The following ADAM22 variants were observed in gnomAD, a reference collection of about 807,000 sequenced individuals.
The protein encoded by ADAM22 is disintegrin and metalloproteinase domain-containing protein 22.
In ADAM22, 65 loss-of-function variants were observed where a neutral mutation model predicts 144.6. That is an observed-to-expected ratio of 0.45 (90% CI 0.37 to 0.55). ADAM22 has a LOEUF of 0.55. Ranked by LOEUF, ADAM22 falls within the 20% of genes least tolerant of loss-of-function variation. The probability of loss-of-function intolerance (pLI) is 0.00; values close to 1 mark genes in which losing one functional copy is unlikely to be tolerated. For missense variants in ADAM22, 974 were observed against 1,184.9 expected (o/e 0.82, Z 2.61); for synonymous variants, 391 against 412.6 (o/e 0.95, Z 0.63).
intron 3 of ADAM22, among the ~76,000 whole-genome samples, chr7:88,023,701 C>T (rs995962866): frequency 3.4e-4 from 51 of 152,238 alleles, no homozygotes; most frequent in African/African-American, 1.1e-3. Context: ...CCACTGCCCC[C>T]GGCTTAGTTA....
In ADAM22 at chr7:88,168,124, T is replaced by C. The variant is rs1208479040; in HGVS notation, c.2192-13T>C. On this transcript the variant is annotated splice_polypyrimidine_tract_variant and intron_variant, in intron 24 of 31. Coordinates refer to ENST00000413139, the MANE Select transcript of ADAM22 (RefSeq NM_001324418.2). ...TACCACTGATCTTCCTTCTTTCTTT[T>C]TTTTCCTCTCAGGTGTTGCTGGCAC... 2 of 1,611,002 alleles carry C rather than the reference T, an allele frequency of 1.2e-6. No individual in the cohort carries two copies. Among genetic ancestry groups the C allele is most frequent in the Non-Finnish European group, 8.5e-7 (1 of 1,178,396 alleles).
intron 3 of ADAM22, among the ~76,000 whole-genome samples, chr7:88,052,499 G>GA (rs199577890): frequency 5.7e-4 from 81 of 141,760 alleles, no homozygotes; most frequent in Middle Eastern, 3.6e-3. Flanking sequence ...AACTGCGTCT[G>GA]AAAAAAAAAA....
At chr7:88,167,349 T>C (rs1471766326) in intron 24 of ADAM22, among the ~76,000 whole-genome samples, 3 of 152,172 alleles carry the variant, frequency 2.0e-5, no homozygotes, top group African/African-American at 7.2e-5. Flanking sequence ...CTTTGACTCA[T>C]GGTGCCATTC....
chr7:88,073,930 G>A (rs1813492311), intron 3 of ADAM22, among the ~76,000 whole-genome samples: 1 of 152,190 alleles, frequency 6.6e-6, no homozygotes, highest in Non-Finnish European at 1.5e-5. Context: ...TATGTTTATT[G>A]GACAGATAAC....
At chr7:88,144,186 T>G (rs1835646349) in intron 15 of ADAM22, among the ~76,000 whole-genome samples, 1 of 152,162 alleles carries the variant, frequency 6.6e-6, no homozygotes, top group Non-Finnish European at 1.5e-5. Context: ...TTCCTCTAAT[T>G]AGTTATGAAA....
Position 88,165,947 on chromosome 7 carries a change from G to GTAAGTACATAATGTTACCAAAT in ADAM22, c.2191+8_2191+9insATAATGTTACCAAATTAAGTAC. The GTAAGTACATAATGTTACCAAAT allele has an allele frequency of 6.2e-7, 1 of 1,602,380 alleles. No individual in the cohort carries two copies. Among genetic ancestry groups the GTAAGTACATAATGTTACCAAAT allele is most frequent in the Non-Finnish European group, 8.5e-7 (1 of 1,174,156 alleles). On this transcript the variant is annotated splice_donor_variant, in intron 24 of 31. Coordinates refer to ENST00000413139, the MANE Select transcript of ADAM22 (RefSeq NM_001324418.2). LOFTEE classifies it high-confidence loss of function. ...ACTGGTATCACTCTGTCTGGCAATG[G>GTAAGTACATAATGTTACCAAAT]TAAGTACTTAATTTGGTAACATTAT...
At chr7:88,157,712 G>A (rs1172447880) in intron 22 of ADAM22, among the ~76,000 whole-genome samples, 12 of 152,078 alleles carry the variant, frequency 7.9e-5, no homozygotes, top group Non-Finnish European at 1.6e-4. Flanking sequence ...ACAACAGCAG[G>A]CCAGAAACTC....
intron 2 of ADAM22, among the ~76,000 whole-genome samples, chr7:87,965,818 G>C (rs1279395690): frequency 2.6e-5 from 4 of 152,204 alleles, no homozygotes; most frequent in African/African-American, 9.7e-5. Context: ...CTCCAGGAGA[G>C]ATTGTGACCC....
intron 2 of ADAM22, among the ~76,000 whole-genome samples, chr7:87,951,996 C>A (rs924416726): frequency 8.1e-5 from 12 of 149,040 alleles, no homozygotes; most frequent in Admixed American, 1.3e-4. Context: ...GATTTTGTAT[C>A]CTGAGACTTT....
At chr7:88,037,676 C>T (rs1177825480) in intron 3 of ADAM22, among the ~76,000 whole-genome samples, 1 of 151,906 alleles carries the variant, frequency 6.6e-6, no homozygotes, top group Admixed American at 6.5e-5. Context: ...CCTTTAAACC[C>T]TGCTGTGGTC....
intron 3 of ADAM22, among the ~76,000 whole-genome samples, chr7:88,040,138 A>G (rs974343106): frequency 2.0e-5 from 3 of 150,750 alleles, no homozygotes; most frequent in East Asian, 3.9e-4. Flanking sequence ...TTTTTTTTTA[A>G]TTTTATTTTT....
intron 18 of ADAM22, among the ~76,000 whole-genome samples, chr7:88,149,598 G>A (rs1431828317): frequency 2.6e-5 from 4 of 152,192 alleles, no homozygotes; most frequent in South Asian, 2.1e-4. Flanking sequence ...ACATACAGAC[G>A]GTCCTCACTT....
intron 20 of ADAM22, among the ~76,000 whole-genome samples, chr7:88,152,216 G>A (rs1469663263): frequency 2.6e-5 from 4 of 152,112 alleles, no homozygotes; most frequent in Non-Finnish European, 5.9e-5. Context: ...AATAGTAGCT[G>A]ACAACAAGAA....
chr7:88,079,911 C>T (rs1012429808), intron 4 of ADAM22, among the ~76,000 whole-genome samples: 1 of 152,114 alleles, frequency 6.6e-6, no homozygotes. Flanking sequence ...GACTTTAACA[C>T]CCCACTGTCA....
At chr7:88,020,019 G>T (rs1326310506) in intron 3 of ADAM22, among the ~76,000 whole-genome samples, 2 of 151,960 alleles carry the variant, frequency 1.3e-5, no homozygotes, top group Non-Finnish European at 2.9e-5. Context: ...ACCTTTATGG[G>T]AGCTCACAAA....
chr7:88,140,354 G>A (rs1834239158), intron 14 of ADAM22, among the ~76,000 whole-genome samples: 1 of 152,074 alleles, frequency 6.6e-6, no homozygotes, highest in Admixed American at 6.6e-5. Flanking sequence ...GTTCATCTGA[G>A]CATGGTCAGG....
intron 26 of ADAM22, among the ~76,000 whole-genome samples, chr7:88,172,334 G>T (rs543104407): frequency 5.3e-5 from 8 of 151,866 alleles, no homozygotes; most frequent in Admixed American, 3.3e-4. Flanking sequence ...AGTTACTAGT[G>T]CTGTTAGCTA....
chr7:88,149,042 A>C lies in ADAM22; in HGVS notation c.1551A>C (p.Ser517=). 6.2e-7 allele frequency: 1 copy of C among 1,612,000 alleles called. No individual in the cohort carries two copies. Among genetic ancestry groups the C allele is most frequent in the Non-Finnish European group, 8.5e-7 (1 of 1,178,598 alleles). Residue 517 remains serine (S), a synonymous_variant, in exon 18 of 32, where the codon TCA becomes TCC. Transcript: ENST00000413139. ...ATTGTGATATTCGTGAAACGTGCTCAGGAAATTCAAGCCAGGTAATTTACA... is the reference window on the plus strand; with the variant it reads ...ATTGTGATATTCGTGAAACGTGCTCCGGAAATTCAAGCCAGGTAATTTACA... ...VNDCDIRETC[S]GNSSQCAPNI... is the part of the protein sequence containing the mutation.
chr7:88,070,061 TAA>T (rs1454494264), intron 3 of ADAM22, among the ~76,000 whole-genome samples: 1 of 152,160 alleles, frequency 6.6e-6, no homozygotes. Context: ...TTCCTCACTA[TAA>T]AGAGTTTGAA....
Sources: gnomAD v4.1 joint callset for allele counts (sites outside exome capture counted in the v4.1 genomes callset) on GRCh38, gnomAD v4.1.1 for gene constraint, MANE v1.5 for transcripts, NCBI Gene and HGNC (gene_info 2026-07-23, HGNC 2026-07-21) for gene names.